SLC12A7: variants seen among roughly 807,000 people sequenced by gnomAD.
The protein encoded by SLC12A7 is solute carrier family 12 member 7, also known as K-Cl cotransporter 4.
SLC12A7 carries 100 observed loss-of-function variants against 120.6 expected under a neutral mutation model. That is an observed-to-expected ratio of 0.83 (90% CI 0.71 to 0.98). The LOEUF (loss-of-function observed/expected upper bound fraction) is 0.98. Ranked by LOEUF, SLC12A7 falls within the 50% of genes least tolerant of loss-of-function variation. The pLI is 0.00. For missense variants in SLC12A7, 1,373 were observed against 1,548.1 expected (o/e 0.89, Z 1.90); for synonymous variants, 760 against 678.0 (o/e 1.12, Z -1.88).
chr5:1,089,436 A>G (rs561576870), intron 3 of SLC12A7, among the ~76,000 whole-genome samples: 1 of 152,198 alleles, frequency 6.6e-6, no homozygotes, highest in South Asian at 2.1e-4. Flanking sequence ...AAAAAACAAG[A>G]GGGAGAACGA....
chr5:1,099,207 C>T (rs1344741623), intron 1 of SLC12A7, among the ~76,000 whole-genome samples: 1 of 152,182 alleles, frequency 6.6e-6, no homozygotes, highest in Non-Finnish European at 1.5e-5. Context: ...AAACCCCACC[C>T]CATGGGCCAA....
intron 3 of SLC12A7, among the ~76,000 whole-genome samples, chr5:1,090,663 T>C (rs1470883965): frequency 1.3e-5 from 2 of 152,074 alleles, no homozygotes; most frequent in African/African-American, 2.4e-5. Flanking sequence ...CAGGCAGAGC[T>C]CCAGGCAGAG....
In SLC12A7 at chr5:1,097,696, C is replaced by T. The variant is rs116306237; in HGVS notation, c.125-3448G>A. On this transcript the variant is annotated intron_variant, in intron 1 of 23. Coordinates refer to ENST00000264930, the MANE Select transcript of SLC12A7 (RefSeq NM_006598.3). ...CGCGAGGACGCACAGAAAAGGGGGACGGAATACAGAAAAGCAGGGTGTGGC... is the reference window on the plus strand; with the variant it reads ...CGCGAGGACGCACAGAAAAGGGGGATGGAATACAGAAAAGCAGGGTGTGGC... Among the ~76,000 whole-genome samples the T allele has an allele frequency of 4.1e-3, 631 of 152,234 alleles. 3 individuals are homozygous for T. The highest frequency in any genetic ancestry group is 0.014 in the African/African-American group (575 of 41,512).
In SLC12A7 at chr5:1,075,072, G is replaced by A. The variant is rs376497100; in HGVS notation, c.1967+299C>T. Among the ~76,000 whole-genome samples, 38 of 152,324 alleles carry A rather than the reference G, an allele frequency of 2.5e-4. No individual in the cohort carries two copies. The East Asian group carries it at 6.6e-3, about 26-fold the overall frequency. On this transcript the variant is annotated intron_variant, in intron 15 of 23. Coordinates refer to ENST00000264930, the MANE Select transcript of SLC12A7 (RefSeq NM_006598.3). ...TACAGACACAACCTGGGGACACCTC[G>A]CGAGACACGTAGCAGGAATAGTCAG...
At chr5:1,116,273 C>T (rs1743317357), upstream of SLC12A7, among the ~76,000 whole-genome samples, 1 of 152,226 alleles carries the variant, frequency 6.6e-6, no homozygotes, top group African/African-American at 2.4e-5. Flanking sequence ...CAAGCTGCCC[C>T]CCGCCCCGAT....
At chr5:1,124,331 C>T in the SLC12A7 span, among the ~76,000 whole-genome samples, 4 of 152,206 alleles carry the variant, frequency 2.6e-5, no homozygotes, top group Non-Finnish European at 4.4e-5. Flanking sequence ...AAAAGATTTG[C>T]AGCTCCAGCG....
intron 22 of SLC12A7, chr5:1,056,524 A>G (rs1041047928): frequency 1.1e-6 from 1 of 914,246 alleles, no homozygotes; most frequent in East Asian, 1.2e-4. Context: ...CCACACACAC[A>G]CAGGCATGCA....
At chr5:1,055,268 CAT>C (rs773122321) in intron 22 of SLC12A7, among the ~76,000 whole-genome samples, 39 of 152,364 alleles carry the variant, frequency 2.6e-4, no homozygotes, top group African/African-American at 9.1e-4. Context: ...GACACACTAA[CAT>C]GTAAGACATG....
chr5:1,095,631 C>T (rs996202153), intron 1 of SLC12A7, among the ~76,000 whole-genome samples: 15 of 152,174 alleles, frequency 9.9e-5, no homozygotes, highest in Non-Finnish European at 1.5e-4. Context: ...GCGAGGTGGC[C>T]GGAGGAGGGC....
chr5:1,069,053 G>A (rs1399410279), intron 17 of SLC12A7, among the ~76,000 whole-genome samples: 1 of 152,222 alleles, frequency 6.6e-6, no homozygotes, highest in Non-Finnish European at 1.5e-5. Flanking sequence ...CGAAAACCAC[G>A]ATACCTAAAT....
At chr5:1,065,921 G>A (rs1237420466) in intron 17 of SLC12A7, among the ~76,000 whole-genome samples, 1 of 152,012 alleles carries the variant, frequency 6.6e-6, no homozygotes, top group Non-Finnish European at 1.5e-5. Context: ...TAACAGCAAC[G>A]GCGGGGGGCG....
intron 21 of SLC12A7, among the ~76,000 whole-genome samples, chr5:1,058,231 C>G (rs1000697931): frequency 6.6e-6 from 1 of 152,256 alleles, no homozygotes; most frequent in African/African-American, 2.4e-5. Context: ...ACCGTCCACG[C>G]CCCTAGCTGT....
At chr5:1,124,045 T>A in the SLC12A7 span, among the ~76,000 whole-genome samples, 7 of 152,220 alleles carry the variant, frequency 4.6e-5, no homozygotes, top group Non-Finnish European at 1.0e-4. Context: ...CTCAGGGTGA[T>A]AAGTTAAAAA....
Position 1,064,190 on chromosome 5 carries a change from A to T in SLC12A7, c.2500T>A (p.Phe834Ile). The change falls in exon 19 of 24, where the codon TTT (phenylalanine) becomes ATT (isoleucine). Residue 834 changes from phenylalanine (F) to isoleucine (I), a missense_variant. Physicochemically the swap from Phe to Ile is conservative, Grantham distance 21. Transcript: ENST00000264930. ...CCGAAGCGCTCCTGGTTTTGCGGAA[A>T]CGAGTCGACGTTCTTGGCCACCAGC... is the stretch of plus-strand genomic sequence containing the variant. ...ALLVAKNVDSFPQNQERFGGG... is the reference protein window; with the variant it reads ...ALLVAKNVDSIPQNQERFGGG... 1 of 1,612,352 alleles carries T rather than the reference A, an allele frequency of 6.2e-7. No individual in the cohort carries two copies. Among genetic ancestry groups the T allele is most frequent in the South Asian group, 1.1e-5 (1 of 91,076 alleles).
At chr5:1,060,569 C>T in intron 20 of SLC12A7, 118 bp from the exon 21 acceptor site, 5 of 740,078 alleles carry the variant, frequency 6.8e-6, no homozygotes, top group Non-Finnish European at 1.1e-5. Flanking sequence ...CCACGCGTCC[C>T]GGGCCCCACA....
chr5:1,129,228 G>A, the SLC12A7 span, among the ~76,000 whole-genome samples: 3 of 152,164 alleles, frequency 2.0e-5, no homozygotes, highest in Admixed American at 2.0e-4. Flanking sequence ...CACTGCTGCC[G>A]GCCCCTCTGT....
chr5:1,103,837 G>A (rs573631612), intron 1 of SLC12A7, among the ~76,000 whole-genome samples: 4 of 152,338 alleles, frequency 2.6e-5, no homozygotes, highest in South Asian at 2.1e-4. Flanking sequence ...CTCACTTCCC[G>A]AACCCTCTGT....
the SLC12A7 span, among the ~76,000 whole-genome samples, chr5:1,129,178 A>G: frequency 6.6e-6 from 1 of 152,120 alleles, no homozygotes; most frequent in Non-Finnish European, 1.5e-5. Flanking sequence ...TCCTAGACAC[A>G]CGAGGACACC....
intron 17 of SLC12A7, among the ~76,000 whole-genome samples, chr5:1,068,455 A>C (rs939790815): frequency 6.6e-6 from 1 of 152,254 alleles, no homozygotes; most frequent in Non-Finnish European, 1.5e-5. Context: ...AAAAATTAAA[A>C]AACAAATAAA....
Sources: gnomAD v4.1 joint callset for allele counts (sites outside exome capture counted in the v4.1 genomes callset) on GRCh38, gnomAD v4.1.1 for gene constraint, MANE v1.5 for transcripts, NCBI Gene and HGNC (gene_info 2026-07-23, HGNC 2026-07-21) for gene names.